The following HIP1 variants were observed in gnomAD, a reference collection of about 807,000 sequenced individuals.
HIP1 encodes huntingtin-interacting protein 1.
Under a neutral mutation model 147.6 loss-of-function variants are expected in HIP1, and 65 were observed. That is an observed-to-expected ratio of 0.44 (90% CI 0.36 to 0.54). The LOEUF is 0.54. Among genes scored for constraint, HIP1 ranks in the 20% least tolerant of loss-of-function variants. The pLI is 0.00. For synonymous variants in HIP1, 479 were observed against 504.0 expected (o/e 0.95, Z 0.67); for missense variants, 1,061 against 1,299.6 (o/e 0.82, Z 2.82).
intron 1 of HIP1, among the ~76,000 whole-genome samples, chr7:75,687,513 G>A (rs752271042): frequency 2.6e-5 from 4 of 152,250 alleles, no homozygotes; most frequent in African/African-American, 4.8e-5. Flanking sequence ...GCAACATGGC[G>A]AAACCCCATC....
chr7:75,644,771 T>A (rs187466742), intron 1 of HIP1, among the ~76,000 whole-genome samples: 2 of 152,240 alleles, frequency 1.3e-5, no homozygotes, highest in East Asian at 3.9e-4. Context: ...CAACACTAGC[T>A]GAGTGATTCC....
chr7:75,699,260 T>A (rs1367716951), intron 1 of HIP1, among the ~76,000 whole-genome samples: 1 of 152,180 alleles, frequency 6.6e-6, no homozygotes, highest in Non-Finnish European at 1.5e-5. Context: ...AGATATTTTC[T>A]GGTCTTGCTA....
chr7:75,607,554 T>G (rs1189270299), intron 1 of HIP1, among the ~76,000 whole-genome samples: 1 of 147,614 alleles, frequency 6.8e-6, no homozygotes, highest in African/African-American at 2.5e-5. Context: ...AAAAAAAAAT[T>G]TGTCAAGTGC....
intron 1 of HIP1, among the ~76,000 whole-genome samples, chr7:75,669,446 T>C (rs2705790): frequency 0.7 from 105,974 of 151,614 alleles, 37,346 homozygotes; most frequent in African/African-American, 0.78. Context: ...GCCTATAATC[T>C]CAGTTATTTG....
chr7:75,634,153 G>A (rs1798338457), intron 1 of HIP1, among the ~76,000 whole-genome samples: 1 of 152,064 alleles, frequency 6.6e-6, no homozygotes, highest in African/African-American at 2.4e-5. Context: ...CCAGCTACTT[G>A]GGAGGCCGAG....
At chr7:75,693,142 G>A (rs558629852) in intron 1 of HIP1, among the ~76,000 whole-genome samples, 14 of 150,986 alleles carry the variant, frequency 9.3e-5, no homozygotes, top group African/African-American at 3.4e-4. Context: ...TCTAGCCTGG[G>A]TAACAGAGCG....
intron 1 of HIP1, among the ~76,000 whole-genome samples, chr7:75,618,206 A>G (rs757360): frequency 0.45 from 68,704 of 151,968 alleles, 15,817 homozygotes; most frequent in African/African-American, 0.53. Flanking sequence ...GGAGTGCAGT[A>G]GTGTGATCTC....
At chr7:75,660,031 C>T (rs373891979) in intron 1 of HIP1, among the ~76,000 whole-genome samples, 18 of 151,348 alleles carry the variant, frequency 1.2e-4, no homozygotes, top group Non-Finnish European at 2.4e-4. Flanking sequence ...GAGGCTGAGG[C>T]GGAAGAATCG....
At chr7:75,712,797 T>C (rs1479568374) in intron 1 of HIP1, among the ~76,000 whole-genome samples, 2 of 152,154 alleles carry the variant, frequency 1.3e-5, no homozygotes, top group African/African-American at 4.8e-5. Flanking sequence ...CACTCACTCA[T>C]TCATTCACTC....
intron 1 of HIP1, among the ~76,000 whole-genome samples, chr7:75,619,526 A>G (rs1435769220): frequency 1.3e-5 from 2 of 151,884 alleles, no homozygotes; most frequent in Non-Finnish European, 2.9e-5. Flanking sequence ...AAAAAAAAAA[A>G]AAAAAGAGAA....
rs781902230 is a variant in HIP1, at chr7:75,561,314, A to G, written c.1191+15T>C. The G allele has an allele frequency of 7.0e-6, 11 of 1,569,508 alleles. No individual in the cohort carries two copies. In the South Asian group the frequency reaches 1.2e-4, roughly 17 times the overall value. On this transcript the variant is annotated intron_variant, in intron 13 of 30. Coordinates refer to ENST00000336926, the MANE Select transcript of HIP1 (RefSeq NM_005338.7). ...TTTTGGTGAAGCGCAAAGGCAGAGCAGATCCAAGTTATACCTCAGTCTTCA... is the reference window on the plus strand; with the variant it reads ...TTTTGGTGAAGCGCAAAGGCAGAGCGGATCCAAGTTATACCTCAGTCTTCA...
intron 8 of HIP1, among the ~76,000 whole-genome samples, chr7:75,571,643 C>T (rs1554496652): frequency 6.6e-6 from 1 of 152,116 alleles, no homozygotes; most frequent in African/African-American, 2.4e-5. Flanking sequence ...AGTGCAGTGG[C>T]ACAAACACAG....
intron 4 of HIP1, among the ~76,000 whole-genome samples, chr7:75,591,658 G>A (rs1362807261): frequency 1.3e-5 from 2 of 150,974 alleles, no homozygotes; most frequent in Non-Finnish European, 2.9e-5. Flanking sequence ...GCTGAGGTGG[G>A]AGGATCACTT....
At chr7:75,660,457 G>A (rs1554513445) in intron 1 of HIP1, among the ~76,000 whole-genome samples, 1 of 152,074 alleles carries the variant, frequency 6.6e-6, no homozygotes, top group Non-Finnish European at 1.5e-5. Flanking sequence ...AACCCACGAG[G>A]CAGAGGTTGC....
chr7:75,636,126 G>T (rs1798419123), intron 1 of HIP1, among the ~76,000 whole-genome samples: 1 of 151,424 alleles, frequency 6.6e-6, no homozygotes, highest in African/African-American at 2.4e-5. Flanking sequence ...TGGATTGCTT[G>T]GGCCCAGGAG....
chr7:75,554,646 G>A (rs1554492852), intron 19 of HIP1, 120 bp from the exon 20 acceptor site: 1 of 671,538 alleles, frequency 1.5e-6, no homozygotes, highest in Non-Finnish European at 2.6e-6. Context: ...TAGACGTGAA[G>A]TTCATGAGTA....
rs1009677348 is a variant in HIP1 at position 75,535,049 on chromosome 7, T to G, written c.*3123A>C. 6 of 211,042 alleles carry G rather than the reference T, an allele frequency of 2.8e-5. No homozygotes were observed. The highest frequency in any genetic ancestry group is 1.4e-4 in the African/African-American group (6 of 44,130). 13.1% of individuals were successfully genotyped at this position (211,042 alleles called of 1,614,324 possible). A position where few individuals can be genotyped will look rare whatever the true frequency, so the allele number is the denominator to read the frequency against. On this transcript the variant is annotated 3_prime_UTR_variant, in exon 31 of 31. Coordinates refer to ENST00000336926, the MANE Select transcript of HIP1 (RefSeq NM_005338.7). ...CACAATAGGACAATTTGATTTTGTC[T>G]AGAGAATGGGGTAGCCATTCTAATC...
At chr7:75,674,904 G>A (rs537243904) in intron 1 of HIP1, among the ~76,000 whole-genome samples, 9 of 151,926 alleles carry the variant, frequency 5.9e-5, no homozygotes, top group Non-Finnish European at 1.3e-4. Flanking sequence ...ACTATGACGT[G>A]TCTTGGTGTA....
At chr7:75,728,912 G>T (rs1554522659) in intron 1 of HIP1, among the ~76,000 whole-genome samples, 6 of 149,018 alleles carry the variant, frequency 4.0e-5, no homozygotes. Context: ...AGTTATAAAA[G>T]TAGTTGTCAG....
Sources: gnomAD v4.1 joint callset for allele counts (sites outside exome capture counted in the v4.1 genomes callset) on GRCh38, gnomAD v4.1.1 for gene constraint, MANE v1.5 for transcripts, NCBI Gene and HGNC (gene_info 2026-07-23, HGNC 2026-07-21) for gene names.